Variants in LRRC71 observed in about 807,000 individuals in gnomAD.
The protein encoded by LRRC71 is leucine rich repeat containing 71.
In LRRC71, 54 loss-of-function variants were observed where a neutral mutation model predicts 66.6. The ratio of observed to expected loss-of-function variants is 0.81; its 90% CI spans 0.65 to 1.02. The LOEUF is 1.02. LRRC71 is among the 50% of genes least tolerant of loss of function. The pLI is 0.00. For missense variants in LRRC71, 724 were observed against 718.0 expected (o/e 1.01, Z -0.10); for synonymous variants, 323 against 303.9 (o/e 1.06, Z -0.65).
At position 156,929,273 on chromosome 1, in the gene LRRC71, A is replaced by T. The variant is rs912753335; in HGVS notation, c.997-7A>T. On this transcript the variant is annotated splice_region_variant and splice_polypyrimidine_tract_variant and intron_variant, in intron 9 of 14. Transcript: ENST00000337428. ...CTTCCCCCCTTCCCTCCCATTTGTG[A>T]GCACAGCCCTCCTCCTCTCGACACG... 1.9e-6 allele frequency: 3 copies of T among 1,595,130 alleles called. No individual in the cohort carries two copies. The highest frequency in any genetic ancestry group is 1.8e-5 in the Admixed American group (1 of 56,998).
intron 5 of LRRC71, among the ~76,000 whole-genome samples, chr1:156,925,303 C>T (rs562145055): frequency 3.9e-5 from 6 of 152,336 alleles, no homozygotes; most frequent in South Asian, 2.1e-4. Context: ...CAGAGGTTCT[C>T]GCTCTCCTTC....
chr1:156,938,342 A>AG, the LRRC71 span: 1 of 1,381,242 alleles, frequency 7.2e-7, no homozygotes, highest in Admixed American at 1.8e-5. Flanking sequence ...GACCATGGGC[A>AG]GGGGTCCGAC....
At chr1:156,927,443 CG>C in intron 6 of LRRC71, 52 bp from the exon 7 acceptor site, 13 of 1,520,548 alleles carry the variant, frequency 8.5e-6, no homozygotes, top group Non-Finnish European at 1.1e-5. Context: ...CATATTCCGG[CG>C]GACGCCCTGT....
chr1:156,934,197 G>GT (rs1334666838), downstream of LRRC71, among the ~76,000 whole-genome samples: 4 of 152,194 alleles, frequency 2.6e-5, no homozygotes, highest in African/African-American at 9.7e-5. Flanking sequence ...AATGACTCCT[G>GT]TATCAATTCT....
chr1:156,927,440 C>T lies in LRRC71; in HGVS notation c.663-56C>T, dbSNP rs563312034. 9 of 1,520,658 alleles carry T rather than the reference C, an allele frequency of 5.9e-6. No individual in the cohort carries two copies. In the African/African-American group the frequency reaches 9.7e-5, roughly 16 times the overall value. The allele number at this position is 1,520,658 out of a possible 1,614,324, so 94.2% of individuals were successfully genotyped here. ...TCAAGCGCTCAAGTCTCCCATATTCCGGCGGACGCCCTGTACCTTTTCCAG... is the reference window on the plus strand; with the variant it reads ...TCAAGCGCTCAAGTCTCCCATATTCTGGCGGACGCCCTGTACCTTTTCCAG... On this transcript the variant is annotated intron_variant, in intron 6 of 14. Transcript: ENST00000337428.
chr1:156,931,925 G>T lies in LRRC71; in HGVS notation c.1339G>T (p.Glu447Ter). Reference sequence around the variant, plus strand: ...TATTCTGCTTTAGCAGCTGGTTGTTGAGGCTACTGAGGTGGTCAACCCTCT... The same window carrying T: ...TATTCTGCTTTAGCAGCTGGTTGTTTAGGCTACTGAGGTGGTCAACCCTCT... Reference protein sequence around the residue: ...SILLESELVVEATEVVNPLLE... With the variant: ...SILLESELVV Residue 447 changes from glutamate (E) to a stop codon, truncating the protein, a stop_gained, in exon 13 of 15, where the codon GAG becomes TAG. Coordinates refer to ENST00000337428, the MANE Select transcript of LRRC71 (RefSeq NM_144702.3). LOFTEE classifies it high-confidence loss of function. 1 of 1,585,456 alleles carries T rather than the reference G, an allele frequency of 6.3e-7. No homozygotes were observed. Among genetic ancestry groups the T allele is most frequent in the Admixed American group, 1.8e-5 (1 of 55,946 alleles).
chr1:156,926,662 C>T lies in LRRC71; in HGVS notation c.594-540C>T, dbSNP rs150648511. 8.4e-3 allele frequency among the ~76,000 whole-genome samples: 1,264 copies of T among 151,320 alleles called. 19 individuals carry two copies. The highest frequency in any genetic ancestry group is 0.028 in the African/African-American group (1,141 of 41,002). On this transcript the variant is annotated intron_variant, in intron 5 of 14. Coordinates refer to ENST00000337428, the MANE Select transcript of LRRC71 (RefSeq NM_144702.3). ...CAATCTTGGCTCACTGCAACCTCCGCCTCCTGGATTCAAGTGATTCTTCTG... is the reference window on the plus strand; with the variant it reads ...CAATCTTGGCTCACTGCAACCTCCGTCTCCTGGATTCAAGTGATTCTTCTG...
chr1:156,923,572 AC>A (rs1652712393), intron 1 of LRRC71, among the ~76,000 whole-genome samples: 1 of 152,086 alleles, frequency 6.6e-6, no homozygotes, highest in Non-Finnish European at 1.5e-5. Context: ...TCTCCCAGGG[AC>A]CCTGAGCAGT....
chr1:156,937,345 T>C, downstream of LRRC71: 1 of 1,612,958 alleles, frequency 6.2e-7, no homozygotes, highest in Non-Finnish European at 8.5e-7. Flanking sequence ...GGCTGGGGCG[T>C]CTTGGATCAT....
Position 156,927,491 on chromosome 1 carries a change from C to G in LRRC71, c.663-5C>G. The G allele has an allele frequency of 6.6e-7, 1 of 1,524,884 alleles. No homozygotes were observed. The highest frequency in any genetic ancestry group is 8.8e-7 in the Non-Finnish European group (1 of 1,136,940). The allele number at this position is 1,524,884 out of a possible 1,614,324, so 94.5% of individuals were successfully genotyped here. On this transcript the variant is annotated splice_region_variant and splice_polypyrimidine_tract_variant and intron_variant, in intron 6 of 14. Transcript: ENST00000337428. ...CGACCCACATTCTCCCTCCGGCTGCCCCAGGATTGCGCACTTGTCTCTGCG... is the reference window on the plus strand; with the variant it reads ...CGACCCACATTCTCCCTCCGGCTGCGCCAGGATTGCGCACTTGTCTCTGCG...
intron 9 of LRRC71, among the ~76,000 whole-genome samples, chr1:156,928,563 C>CTTTTTTTTT (rs58180096): frequency 1.2e-5 from 1 of 80,242 alleles, no homozygotes; most frequent in Non-Finnish European, 2.3e-5. Flanking sequence ...CTTCTTCTTA[C>CTTTTTTTTT]TTTTTTTTTT....
chr1:156,934,859 C>T (rs1366080896), downstream of LRRC71: 3 of 149,838 alleles, frequency 2.0e-5, no homozygotes, highest in African/African-American at 7.4e-5. Flanking sequence ...TTTAACTTTT[C>T]TTAAAAAAAA....
Position 156,929,418 on chromosome 1 carries a change from G to GAGAAAT in LRRC71, c.1136_1141dup (p.Lys380_Ser381insTer), listed in dbSNP as rs1653930697. 6.2e-7 allele frequency: 1 copy of GAGAAAT among 1,613,736 alleles called. No homozygotes were observed. The highest frequency in any genetic ancestry group is 1.3e-5 in the African/African-American group (1 of 74,914). On this transcript the variant is annotated stop_gained and inframe_insertion, in exon 10 of 15. Coordinates refer to ENST00000337428, the MANE Select transcript of LRRC71 (RefSeq NM_144702.3). LOFTEE classifies it high-confidence loss of function. ...CCCTAAGGGCCTGGGCAAGAAAAAG[G>GAGAAAT]AGAAATCATGGGTAGGTGTGCAATG...
intron 9 of LRRC71, among the ~76,000 whole-genome samples, chr1:156,928,254 GA>G (rs1653544271): frequency 6.6e-6 from 1 of 152,184 alleles, no homozygotes; most frequent in African/African-American, 2.4e-5. Context: ...AGACCACCTG[GA>G]CCTGAAATCC....
intron 1 of LRRC71, 50 bp downstream of exon 1, chr1:156,921,013 C>T (rs1257009825): frequency 1.4e-6 from 2 of 1,450,534 alleles, no homozygotes; most frequent in African/African-American, 2.9e-5. Context: ...TGCGTCTTCC[C>T]GGGTTCCCAC....
Position 156,933,019 on chromosome 1 carries a change from C to T in LRRC71, c.*50C>T, listed in dbSNP as rs1397540454. 2 of 1,407,826 alleles carry T rather than the reference C, an allele frequency of 1.4e-6. No homozygotes were observed. The allele number at this position is 1,407,826 out of a possible 1,614,324, so 87.2% of individuals were successfully genotyped here. On this transcript the variant is annotated 3_prime_UTR_variant, in exon 15 of 15. Transcript: ENST00000337428. The stretch of plus-strand genomic sequence containing the variant: ...AGACTCGGGGCTACAGAAGCACCTC[C>T]TGTCCCTGTGTGGGGTGACCTCCCT...
chr1:156,932,723 T>C, intron 14 of LRRC71, 130 bp from the exon 15 acceptor site: 3 of 1,520,126 alleles, frequency 2.0e-6, no homozygotes, highest in Non-Finnish European at 2.7e-6. Context: ...ATCAGCAGTA[T>C]TAATCACTCT....
At chr1:156,936,918 C>G (rs1655505212), downstream of LRRC71, 1 of 1,614,168 alleles carries the variant, frequency 6.2e-7, no homozygotes, top group Non-Finnish European at 8.5e-7. Context: ...CTAGCTGCTT[C>G]TGTGTGGAAA....
downstream of LRRC71, chr1:156,936,745 T>C: frequency 2.0e-6 from 3 of 1,510,082 alleles, no homozygotes; most frequent in Non-Finnish European, 2.7e-6. Flanking sequence ...CACTGCTTAG[T>C]GATGTGTCCT....
Sources: allele counts gnomAD v4.1 joint callset (sites outside exome capture counted in the v4.1 genomes callset), GRCh38; gene constraint gnomAD v4.1.1; transcripts MANE v1.5; gene names NCBI Gene and HGNC (gene_info 2026-07-23, HGNC 2026-07-21).